MSRA: variants seen among roughly 807,000 people sequenced by gnomAD.
The protein encoded by MSRA is methionine sulfoxide reductase A, also known as mitochondrial peptide methionine sulfoxide reductase.
A neutral mutation model predicts 31.3 loss-of-function variants in MSRA; 54 were observed. The ratio of observed to expected loss-of-function variants is 1.73; its 90% CI spans 1.39 to 2.17. MSRA has a LOEUF of 2.17. Ranked by LOEUF, MSRA falls within the 30% of genes most tolerant of loss-of-function variation. MSRA has a pLI of 0.00. For synonymous variants in MSRA, 169 were observed against 116.5 expected (o/e 1.45, Z -2.90); for missense variants, 507 against 300.9 (o/e 1.69, Z -5.07).
chr8:10,212,090 G>A (rs1274099704), intron 2 of MSRA, among the ~76,000 whole-genome samples: 1 of 151,994 alleles, frequency 6.6e-6, no homozygotes, highest in Non-Finnish European at 1.5e-5. Context: ...GGGAGGCTGA[G>A]GCAGGAGAAT....
chr8:10,403,820 T>A (rs1807621806), intron 5 of MSRA, among the ~76,000 whole-genome samples: 1 of 152,204 alleles, frequency 6.6e-6, no homozygotes, highest in African/African-American at 2.4e-5. Flanking sequence ...GCCCAGGCCG[T>A]GTGTCCCTGC....
At chr8:10,054,716 C>T (rs1802213105) in intron 1 of MSRA, 58 bp downstream of exon 1, 2 of 1,401,098 alleles carry the variant, frequency 1.4e-6, no homozygotes, top group South Asian at 1.6e-5. Context: ...GCGCCTTTGC[C>T]CGGCGGCAGC....
At chr8:10,078,029 TGTGAAGAGCAGTA>T (rs1181399317) in intron 1 of MSRA, among the ~76,000 whole-genome samples, 2 of 152,228 alleles carry the variant, frequency 1.3e-5, no homozygotes, top group African/African-American at 4.8e-5. Flanking sequence ...AACCAATTTC[TGTGAAGAGCAGTA>T]GCATAGGAAA....
intron 3 of MSRA, among the ~76,000 whole-genome samples, chr8:10,296,202 G>C (rs1232329028): frequency 1.3e-5 from 2 of 152,162 alleles, no homozygotes; most frequent in Non-Finnish European, 2.9e-5. Flanking sequence ...AATGAATGAA[G>C]AATGAATGAA....
chr8:10,217,286 G>T (rs1286230817), intron 2 of MSRA, among the ~76,000 whole-genome samples: 1 of 152,204 alleles, frequency 6.6e-6, no homozygotes, highest in Non-Finnish European at 1.5e-5. Flanking sequence ...GGAGTGAGCG[G>T]CGCGCAAGTC....
intron 1 of MSRA, among the ~76,000 whole-genome samples, chr8:10,081,927 G>A (rs1585107995): frequency 6.6e-6 from 1 of 152,282 alleles, no homozygotes; most frequent in East Asian, 1.9e-4. Flanking sequence ...CTCATCCATG[G>A]CTTTGGTGGC....
chr8:10,238,118 C>G (rs1585242609), intron 2 of MSRA, among the ~76,000 whole-genome samples: 1 of 152,194 alleles, frequency 6.6e-6, no homozygotes, highest in Non-Finnish European at 1.5e-5. Context: ...GTTTATTCCA[C>G]TCAAGCCACA....
chr8:10,197,508 G>C (rs1026893647), intron 1 of MSRA, among the ~76,000 whole-genome samples: 3 of 152,120 alleles, frequency 2.0e-5, no homozygotes, highest in African/African-American at 7.2e-5. Flanking sequence ...TTGCGGGCTG[G>C]TGAAGGCTGG....
intron 1 of MSRA, among the ~76,000 whole-genome samples, chr8:10,174,831 C>A (rs140132878): frequency 2.4e-3 from 371 of 152,286 alleles, no homozygotes; most frequent in African/African-American, 8.3e-3. Flanking sequence ...TGTCAAAAAA[C>A]AAACTCTTCA....
intron 5 of MSRA, among the ~76,000 whole-genome samples, chr8:10,397,033 T>G (rs1010523478): frequency 6.6e-6 from 1 of 152,352 alleles, no homozygotes; most frequent in East Asian, 1.9e-4. Context: ...GTTCTCCATC[T>G]CTAGACAGCT....
chr8:10,079,870 T>A (rs1289546479), intron 1 of MSRA, among the ~76,000 whole-genome samples: 1 of 152,218 alleles, frequency 6.6e-6, no homozygotes, highest in African/African-American at 2.4e-5. Context: ...TTGAGCTATT[T>A]ACCTAACTTC....
intron 5 of MSRA, 63 bp from the exon 6 acceptor site, chr8:10,428,085 C>T: frequency 6.5e-7 from 1 of 1,549,716 alleles, no homozygotes. Flanking sequence ...CCCTCAGTGC[C>T]ACCCCTCGCA....
intron 3 of MSRA, among the ~76,000 whole-genome samples, chr8:10,254,653 G>T (rs1270319761): frequency 1.3e-5 from 2 of 152,218 alleles, no homozygotes; most frequent in East Asian, 1.9e-4. Context: ...CAGTTAGTCA[G>T]TGTGCCACCT....
intron 2 of MSRA, among the ~76,000 whole-genome samples, chr8:10,223,353 A>C (rs943189556): frequency 6.6e-6 from 1 of 152,228 alleles, no homozygotes; most frequent in African/African-American, 2.4e-5. Context: ...AGGGCAAAGG[A>C]ACATTGTAAT....
intron 1 of MSRA, among the ~76,000 whole-genome samples, chr8:10,097,553 A>T (rs1350269757): frequency 6.6e-6 from 1 of 152,214 alleles, no homozygotes; most frequent in African/African-American, 2.4e-5. Context: ...TGACCGTCTT[A>T]TTGCCGATTT....
At chr8:10,383,106 G>C (rs2129175516) in intron 5 of MSRA, among the ~76,000 whole-genome samples, 1 of 152,310 alleles carries the variant, frequency 6.6e-6, no homozygotes, top group East Asian at 1.9e-4. Context: ...CTGAGGCTCA[G>C]GATCATAGAT....
intron 4 of MSRA, among the ~76,000 whole-genome samples, chr8:10,314,788 A>T (rs542817602): frequency 6.6e-6 from 1 of 152,374 alleles, no homozygotes; most frequent in East Asian, 1.9e-4. Context: ...ATGGGATATT[A>T]TGAAGCCATG....
chr8:10,137,717 C>T (rs1051579908), intron 1 of MSRA, among the ~76,000 whole-genome samples: 2 of 152,090 alleles, frequency 1.3e-5, no homozygotes, highest in African/African-American at 4.8e-5. Context: ...GGAGTGGTGA[C>T]TGGGGAGGTA....
chr8:10,259,585 G>T (rs1229952849), intron 3 of MSRA, among the ~76,000 whole-genome samples: 1 of 152,040 alleles, frequency 6.6e-6, no homozygotes, highest in African/African-American at 2.4e-5. Flanking sequence ...CATTTCTTCT[G>T]AGTACTTACT....
Sources: gnomAD v4.1 joint callset for allele counts (sites outside exome capture counted in the v4.1 genomes callset) on GRCh38, gnomAD v4.1.1 for gene constraint, MANE v1.5 for transcripts, NCBI Gene and HGNC (gene_info 2026-07-23, HGNC 2026-07-21) for gene names.